ARHGAP20: variants seen among roughly 807,000 people sequenced by gnomAD.
ARHGAP20 encodes the protein Rho GTPase activating protein 20.
A neutral mutation model predicts 73.7 loss-of-function variants in ARHGAP20; 34 were observed. The observed-to-expected ratio is 0.46, with a 90% CI of 0.35 to 0.61. The LOEUF is 0.61. ARHGAP20 is among the 20% of genes least tolerant of loss of function. The pLI is 0.00. For synonymous variants in ARHGAP20, 523 were observed against 518.2 expected (o/e 1.01, Z -0.13); for missense variants, 1,314 against 1,420.9 (o/e 0.92, Z 1.21).
intron 9 of ARHGAP20, among the ~76,000 whole-genome samples, chr11:110,594,705 G>C (rs568104993): frequency 1.3e-5 from 2 of 152,034 alleles, no homozygotes; most frequent in African/African-American, 4.8e-5. Context: ...AATTCTACCA[G>C]AGGTACAAGG....
rs187437755 is a variant in ARHGAP20, at chr11:110,639,450, T to C, written c.189-8658A>G. On this transcript the variant is annotated intron_variant, in intron 2 of 14. Coordinates refer to ENST00000683387, the MANE Select transcript of ARHGAP20 (RefSeq NM_001384657.1). ...CATGTAAAATATCCCATTGTTACCA[T>C]TTAAAAATGCATAATTCAGTGGCAT... is the stretch of plus-strand genomic sequence containing the variant. Among the ~76,000 whole-genome samples, 7 of 152,024 alleles carry C rather than the reference T, an allele frequency of 4.6e-5. No individual in the cohort carries two copies. The East Asian group carries it at 1.4e-3, about 29-fold the overall frequency.
At chr11:110,689,988 T>A (rs760393147) in intron 2 of ARHGAP20, among the ~76,000 whole-genome samples, 2 of 151,902 alleles carry the variant, frequency 1.3e-5, no homozygotes, top group Admixed American at 6.6e-5. Context: ...TCTATTTCAA[T>A]GTCCATTGAA....
chr11:110,627,473 T>G (rs1025321283), intron 3 of ARHGAP20, among the ~76,000 whole-genome samples: 2 of 152,144 alleles, frequency 1.3e-5, no homozygotes, highest in African/African-American at 4.8e-5. Context: ...TATCCTCCTA[T>G]CTTCATACTG....
At chr11:110,638,966 G>T (rs1048526462) in intron 2 of ARHGAP20, among the ~76,000 whole-genome samples, 1 of 151,884 alleles carries the variant, frequency 6.6e-6, no homozygotes, top group Non-Finnish European at 1.5e-5. Context: ...TAACCTGCAC[G>T]TTGTGCACAT....
chr11:110,688,955 T>G (rs1433903752), intron 2 of ARHGAP20, among the ~76,000 whole-genome samples: 1 of 151,998 alleles, frequency 6.6e-6, no homozygotes, highest in African/African-American at 2.4e-5. Context: ...GATTTGGATA[T>G]ATAACTTATT....
In ARHGAP20 at chr11:110,580,894, G is replaced by A. The variant is rs1471270151; in HGVS notation, c.2052C>T (p.Ser684=). 1.9e-6 allele frequency: 3 copies of A among 1,612,904 alleles called. No individual in the cohort carries two copies. Among genetic ancestry groups the A allele is most frequent in the Admixed American group, 3.3e-5 (2 of 59,998 alleles). ...ARAPSAMCTP[S]YLSTAAANAA... ...CATTTGCTGCAGCTGTGGACAGGTA[G>A]CTGGGTGTGCACATGGCAGATGGGG... The change falls in exon 15 of 15, where the codon AGC becomes AGT. Residue 684 remains serine (S), a synonymous_variant. Transcript: ENST00000683387.
chr11:110,681,460 C>T (rs945166354), intron 2 of ARHGAP20, among the ~76,000 whole-genome samples: 4 of 152,026 alleles, frequency 2.6e-5, no homozygotes, highest in Non-Finnish European at 4.4e-5. Flanking sequence ...GAGTTCATTC[C>T]CATTACTATA....
chr11:110,625,277 T>C (rs961456926), intron 3 of ARHGAP20, among the ~76,000 whole-genome samples: 19 of 151,808 alleles, frequency 1.3e-4, no homozygotes, highest in African/African-American at 4.1e-4. Context: ...GACCTCATGA[T>C]CCACCCGCCT....
intron 1 of ARHGAP20, among the ~76,000 whole-genome samples, chr11:110,710,789 C>T (rs1950634801): frequency 6.6e-6 from 1 of 152,212 alleles, no homozygotes; most frequent in Non-Finnish European, 1.5e-5. Flanking sequence ...GCACACCGAT[C>T]ACCTCTCTTC....
intron 2 of ARHGAP20, among the ~76,000 whole-genome samples, chr11:110,648,976 A>G (rs2135007394): frequency 6.6e-6 from 1 of 152,284 alleles, no homozygotes; most frequent in Non-Finnish European, 1.5e-5. Flanking sequence ...CTAAAGTTTT[A>G]GATAGGGCTG....
Position 110,621,849 on chromosome 11 carries a change from CT to C in ARHGAP20, c.503+2312del, listed in dbSNP as rs368366228. On this transcript the variant is annotated intron_variant, in intron 4 of 14. Transcript: ENST00000683387. Reference sequence around the variant, plus strand: ...AATGTTTTGTTTTGGAGACTGTATTCTGTTATATTTGTGGAACAGTGTTGAT... The same window carrying C: ...AATGTTTTGTTTTGGAGACTGTATTCGTTATATTTGTGGAACAGTGTTGAT... Among the ~76,000 whole-genome samples the C allele has an allele frequency of 8.5e-5, 13 of 152,228 alleles. No homozygotes were observed. In the East Asian group the frequency reaches 2.1e-3, roughly 25 times the overall value.
At chr11:110,627,176 C>A (rs186941105) in intron 3 of ARHGAP20, among the ~76,000 whole-genome samples, 1 of 152,102 alleles carries the variant, frequency 6.6e-6, no homozygotes, top group African/African-American at 2.4e-5. Flanking sequence ...GCAACCACCA[C>A]CCCTCAGGTT....
intron 2 of ARHGAP20, among the ~76,000 whole-genome samples, chr11:110,668,603 C>G (rs193063298): frequency 6.6e-6 from 1 of 151,956 alleles, no homozygotes; most frequent in East Asian, 1.9e-4. Context: ...GAACCAAGAT[C>G]GCACCACTGC....
intron 7 of ARHGAP20, among the ~76,000 whole-genome samples, chr11:110,610,767 C>G (rs1172258380): frequency 6.6e-6 from 1 of 152,142 alleles, no homozygotes; most frequent in African/African-American, 2.4e-5. Context: ...AATCCATGAT[C>G]TAATTCAAAG....
Position 110,580,517 on chromosome 11 carries a change from G to A in ARHGAP20, c.2429C>T (p.Ser810Phe), listed in dbSNP as rs368438533. ...CTGGTTCTTGGAATGATCCTGTGAG[G>A]ACATAGGACTATAAGATGCCACAGA... ...AISVASYSPM[S>F]SQDHSKNQPF... Residue 810 changes from serine (S) to phenylalanine (F), a missense_variant, in exon 15 of 15, where the codon TCC (serine) becomes TTC (phenylalanine). Physicochemically the swap from Ser to Phe is radical, Grantham distance 155. Coordinates refer to ENST00000683387, the MANE Select transcript of ARHGAP20 (RefSeq NM_001384657.1). 3 of 1,614,072 alleles carry A rather than the reference G, an allele frequency of 1.9e-6. No homozygotes were observed. The African/African-American group carries it at 4.0e-5, about 22-fold the overall frequency.
At chr11:110,587,214 G>A (rs1032415023) in intron 11 of ARHGAP20, among the ~76,000 whole-genome samples, 1 of 152,220 alleles carries the variant, frequency 6.6e-6, no homozygotes, top group Non-Finnish European at 1.5e-5. Context: ...TAGGCCAACT[G>A]TCTCTCTTGC....
intron 1 of ARHGAP20, among the ~76,000 whole-genome samples, chr11:110,699,454 T>C (rs1350875365): frequency 6.6e-6 from 1 of 151,956 alleles, no homozygotes; most frequent in Non-Finnish European, 1.5e-5. Context: ...CAGAGTTTCT[T>C]TGTTGATTTT....
chr11:110,577,584 C>G lies in ARHGAP20; in HGVS notation c.*1786G>C. 1.0e-6 allele frequency: 1 copy of G among 987,060 alleles called. No individual in the cohort carries two copies. Among genetic ancestry groups the G allele is most frequent in the Middle Eastern group, 5.2e-4 (1 of 1,916 alleles). The allele number at this position is 987,060 out of a possible 1,614,324, so 61.1% of individuals were successfully genotyped here. On this transcript the variant is annotated 3_prime_UTR_variant, in exon 15 of 15. Transcript: ENST00000683387. ...GTATGCCCTAAGGGAAAGGGGAGTC[C>G]CTGCTGACTTTATATATTATACCAA...
At chr11:110,654,405 C>T (rs1324371615) in intron 2 of ARHGAP20, among the ~76,000 whole-genome samples, 1 of 152,136 alleles carries the variant, frequency 6.6e-6, no homozygotes, top group African/African-American at 2.4e-5. Context: ...AGAGATTAAT[C>T]ACAATGATCA....
Sources: allele counts gnomAD v4.1 joint callset (sites outside exome capture counted in the v4.1 genomes callset), GRCh38; gene constraint gnomAD v4.1.1; transcripts MANE v1.5; gene names NCBI Gene and HGNC (gene_info 2026-07-23, HGNC 2026-07-21).